Variants in ZBTB20 observed in about 807,000 individuals in gnomAD.
The protein encoded by ZBTB20 is zinc finger and BTB domain-containing protein 20.
A neutral mutation model predicts 56.9 loss-of-function variants in ZBTB20; 9 were observed. The observed-to-expected ratio is 0.16, with a 90% CI of 0.10 to 0.28. The LOEUF (loss-of-function observed/expected upper bound fraction) is 0.28, where lower values mean the gene tolerates loss of function less well. ZBTB20 is among the 10% of genes least tolerant of loss of function. The pLI, the probability that ZBTB20 is intolerant of heterozygous loss-of-function variation, is 1.00. For missense variants in ZBTB20, 655 were observed against 1,003.0 expected (o/e 0.65, Z 4.69); for synonymous variants, 417 against 420.7 (o/e 0.99, Z 0.11).
chr3:114,390,411 G>A (rs913496679), intron 7 of ZBTB20, among the ~76,000 whole-genome samples: 2 of 152,140 alleles, frequency 1.3e-5, no homozygotes, highest in African/African-American at 4.8e-5. Flanking sequence ...ATCTGGGCAT[G>A]TTCTGAGCAT....
chr3:115,007,600 A>AT (rs1458969870), intron 2 of ZBTB20, among the ~76,000 whole-genome samples: 2 of 151,822 alleles, frequency 1.3e-5, no homozygotes, highest in Admixed American at 1.3e-4. Flanking sequence ...TCAAATATAC[A>AT]TAAAAATAAG....
intron 4 of ZBTB20, among the ~76,000 whole-genome samples, chr3:114,890,153 G>T (rs1029535287): frequency 6.6e-6 from 1 of 152,108 alleles, no homozygotes; most frequent in African/African-American, 2.4e-5. Flanking sequence ...CCAGAGATAT[G>T]TATTAACAGT....
intron 5 of ZBTB20, among the ~76,000 whole-genome samples, chr3:114,721,099 T>C (rs1342997589): frequency 6.6e-6 from 1 of 152,106 alleles, no homozygotes; most frequent in Non-Finnish European, 1.5e-5. Flanking sequence ...TTAGTTGGAA[T>C]TGTAATAGGA....
chr3:114,361,732 C>A (rs998830792), intron 10 of ZBTB20, among the ~76,000 whole-genome samples: 8 of 152,166 alleles, frequency 5.3e-5, no homozygotes, highest in Admixed American at 3.9e-4. Context: ...GAAAAACAAT[C>A]CACTTTCCCT....
At chr3:114,948,928 G>A (rs1304486606) in intron 3 of ZBTB20, among the ~76,000 whole-genome samples, 1 of 145,850 alleles carries the variant, frequency 6.9e-6, no homozygotes, top group Non-Finnish European at 1.5e-5. Context: ...AGATTAACAA[G>A]CAGATTCTAA....
intron 5 of ZBTB20, among the ~76,000 whole-genome samples, chr3:114,694,507 G>T (rs1377815071): frequency 6.6e-6 from 1 of 152,042 alleles, no homozygotes; most frequent in African/African-American, 2.4e-5. Flanking sequence ...TCAGGAATTC[G>T]TGTAGCTAAA....
chr3:114,902,028 A>G (rs925177429), intron 3 of ZBTB20, among the ~76,000 whole-genome samples: 3 of 152,188 alleles, frequency 2.0e-5, no homozygotes, highest in African/African-American at 7.2e-5. Flanking sequence ...CATAAATGTA[A>G]CCTTCCTAAG....
chr3:114,741,231 T>C (rs1219556115), intron 5 of ZBTB20, among the ~76,000 whole-genome samples: 1 of 152,094 alleles, frequency 6.6e-6, no homozygotes, highest in Non-Finnish European at 1.5e-5. Context: ...GCCAGGAAAA[T>C]ATTCTTTTAT....
chr3:114,488,705 A>G (rs1025386714), intron 7 of ZBTB20, among the ~76,000 whole-genome samples: 2 of 152,234 alleles, frequency 1.3e-5, no homozygotes, highest in Non-Finnish European at 2.9e-5. Context: ...ACTATAATTA[A>G]TTGATCCTAA....
chr3:114,415,840 T>A (rs2088492960), intron 7 of ZBTB20, among the ~76,000 whole-genome samples: 1 of 152,048 alleles, frequency 6.6e-6, no homozygotes, highest in African/African-American at 2.4e-5. Context: ...ACAAGAACAA[T>A]CTTACTATTC....
At chr3:114,696,439 A>G (rs973931359) in intron 5 of ZBTB20, among the ~76,000 whole-genome samples, 1 of 151,970 alleles carries the variant, frequency 6.6e-6, no homozygotes, top group South Asian at 2.1e-4. Flanking sequence ...ATTAAAAACA[A>G]TCAAAACTAC....
At chr3:115,127,155 T>C (rs2084357274) in intron 1 of ZBTB20, among the ~76,000 whole-genome samples, 1 of 152,226 alleles carries the variant, frequency 6.6e-6, no homozygotes, top group Non-Finnish European at 1.5e-5. Flanking sequence ...ATCTATCTAG[T>C]CATTTCCAAA....
intron 10 of ZBTB20, among the ~76,000 whole-genome samples, chr3:114,356,344 C>T (rs761877765): frequency 3.3e-5 from 5 of 152,040 alleles, no homozygotes; most frequent in African/African-American, 7.3e-5. Context: ...AGAAAATGAG[C>T]AAGAAAGGAA....
intron 6 of ZBTB20, among the ~76,000 whole-genome samples, chr3:114,682,725 T>C (rs1293922562): frequency 6.6e-6 from 1 of 152,190 alleles, no homozygotes; most frequent in Non-Finnish European, 1.5e-5. Context: ...TCCAAACCAA[T>C]AATATATGTG....
intron 6 of ZBTB20, among the ~76,000 whole-genome samples, chr3:114,626,917 A>C (rs2058685184): frequency 6.6e-6 from 1 of 152,188 alleles, no homozygotes; most frequent in Non-Finnish European, 1.5e-5. Flanking sequence ...AGCAGTGATT[A>C]CTGTGTAACA....
intron 7 of ZBTB20, among the ~76,000 whole-genome samples, chr3:114,403,337 T>C (rs2108719705): frequency 6.6e-6 from 1 of 152,208 alleles, no homozygotes; most frequent in East Asian, 1.9e-4. Flanking sequence ...GTTTTGAACC[T>C]AGTAAGAAAT....
At chr3:114,810,951 A>T (rs1322145125) in intron 4 of ZBTB20, among the ~76,000 whole-genome samples, 1 of 152,136 alleles carries the variant, frequency 6.6e-6, no homozygotes, top group Non-Finnish European at 1.5e-5. Context: ...AGTGTATGGG[A>T]TATAGGGATA....
chr3:114,594,266 CT>C (rs1001656979), intron 6 of ZBTB20, among the ~76,000 whole-genome samples: 14,188 of 132,196 alleles, frequency 0.11, 597 homozygotes, highest in African/African-American at 0.14. Flanking sequence ...TTCTCATATT[CT>C]TTTTTTTTTT....
intron 10 of ZBTB20, among the ~76,000 whole-genome samples, chr3:114,360,509 A>AT (rs567314378): frequency 0.023 from 3,257 of 140,554 alleles, 64 homozygotes; most frequent in South Asian, 0.065. Flanking sequence ...AACTCGGCTA[A>AT]TTTTTTTTTT....
Sources: allele counts gnomAD v4.1 joint callset (sites outside exome capture counted in the v4.1 genomes callset), GRCh38; gene constraint gnomAD v4.1.1; transcripts MANE v1.5; gene names NCBI Gene and HGNC (gene_info 2026-07-23, HGNC 2026-07-21).